The following SNX18 variants were observed in gnomAD, a reference collection of about 807,000 sequenced individuals.
The protein encoded by SNX18 is sorting nexin 18.
In SNX18, 35 loss-of-function variants were observed where a neutral mutation model predicts 48.7. The observed-to-expected ratio is 0.72, with a 90% CI of 0.55 to 0.95. The LOEUF (loss-of-function observed/expected upper bound fraction) is 0.95. SNX18 is among the 40% of genes least tolerant of loss of function. SNX18 has a pLI of 0.00. For missense variants in SNX18, 824 were observed against 871.0 expected (o/e 0.95, Z 0.68); for synonymous variants, 492 against 384.7 (o/e 1.28, Z -3.26).
chr5:54,589,171 C>G, the SNX18 span, among the ~76,000 whole-genome samples: 1 of 152,202 alleles, frequency 6.6e-6, no homozygotes, highest in East Asian at 1.9e-4. Flanking sequence ...CGGTCACCTT[C>G]TGTTCCCCCA....
downstream of SNX18, among the ~76,000 whole-genome samples, chr5:54,548,314 T>G (rs986644138): frequency 2.6e-5 from 4 of 152,222 alleles, no homozygotes; most frequent in Non-Finnish European, 4.4e-5. Flanking sequence ...TTGCTGTGTG[T>G]CCCATCAGCC....
At chr5:54,548,256 T>A (rs1762605049), downstream of SNX18, among the ~76,000 whole-genome samples, 1 of 152,152 alleles carries the variant, frequency 6.6e-6, no homozygotes, top group Non-Finnish European at 1.5e-5. Context: ...ATTGTCCATG[T>A]GAAGCCACCT....
intron 1 of SNX18, among the ~76,000 whole-genome samples, chr5:54,535,712 G>C (rs1342230539): frequency 6.6e-6 from 1 of 152,158 alleles, no homozygotes; most frequent in Non-Finnish European, 1.5e-5. Flanking sequence ...CTTTGAACAA[G>C]TAGCTCACCC....
chr5:54,627,792 G>A, the SNX18 span, among the ~76,000 whole-genome samples: 1 of 152,124 alleles, frequency 6.6e-6, no homozygotes, highest in Non-Finnish European at 1.5e-5. Flanking sequence ...GCTCCCTAGG[G>A]GACTACATCC....
the SNX18 span, among the ~76,000 whole-genome samples, chr5:54,586,736 G>A: frequency 2.0e-5 from 3 of 152,142 alleles, no homozygotes; most frequent in Admixed American, 1.3e-4. Flanking sequence ...ATTTCAACAT[G>A]AGTTTTAGAG....
At chr5:54,554,616 G>A in the SNX18 span, among the ~76,000 whole-genome samples, 2 of 152,162 alleles carry the variant, frequency 1.3e-5, no homozygotes, top group Non-Finnish European at 2.9e-5. Context: ...AATTAATGTA[G>A]TTTTAGTCCA....
chr5:54,549,953 A>T (rs552979555), downstream of SNX18, among the ~76,000 whole-genome samples: 177 of 152,322 alleles, frequency 1.2e-3, no homozygotes, highest in Middle Eastern at 3.4e-3. Flanking sequence ...CAGCAGTTTT[A>T]AAAGAATGCA....
chr5:54,547,427 T>C (rs1235661040), downstream of SNX18, among the ~76,000 whole-genome samples: 2 of 152,230 alleles, frequency 1.3e-5, no homozygotes, highest in Non-Finnish European at 2.9e-5. Flanking sequence ...CCTATTATTT[T>C]TAAACTAGAT....
chr5:54,608,381 T>C, the SNX18 span, among the ~76,000 whole-genome samples: 9 of 152,290 alleles, frequency 5.9e-5, no homozygotes, highest in South Asian at 1.9e-3. Flanking sequence ...TATTTTTTAT[T>C]TTATTGTATT....
chr5:54,638,089 A>T, the SNX18 span, among the ~76,000 whole-genome samples: 1 of 152,354 alleles, frequency 6.6e-6, no homozygotes. Context: ...GCGGGCTCCC[A>T]TCATTCCTTT....
intron 1 of SNX18, among the ~76,000 whole-genome samples, chr5:54,532,309 TTTTTTTTTTC>T (rs1191675819): frequency 3.2e-5 from 3 of 93,646 alleles, no homozygotes; most frequent in African/African-American, 9.8e-5. Flanking sequence ...TATTGTTGCT[TTTTTTTTTTC>T]TTTTTTTTTT....
chr5:54,564,987 C>G, the SNX18 span, among the ~76,000 whole-genome samples: 1 of 152,176 alleles, frequency 6.6e-6, no homozygotes, highest in South Asian at 2.1e-4. Context: ...GCTCATGTCC[C>G]TTGGCTCATG....
chr5:54,585,859 G>A, the SNX18 span, among the ~76,000 whole-genome samples: 118 of 152,172 alleles, frequency 7.8e-4, no homozygotes, highest in African/African-American at 2.7e-3. Flanking sequence ...AAAAAAAATA[G>A]CTGTACATGG....
At chr5:54,644,786 C>T in the SNX18 span, 2 of 152,244 alleles carry the variant, frequency 1.3e-5, no homozygotes, top group Non-Finnish European at 2.9e-5. Context: ...GTAAACAGAA[C>T]CTAGGATAGT....
chr5:54,533,499 G>C (rs994418203), intron 1 of SNX18, among the ~76,000 whole-genome samples: 13 of 152,172 alleles, frequency 8.5e-5, no homozygotes. Context: ...CCGATCTATG[G>C]GGCTTTGCGA....
the SNX18 span, among the ~76,000 whole-genome samples, chr5:54,625,647 A>G: frequency 6.6e-6 from 1 of 152,202 alleles, no homozygotes; most frequent in African/African-American, 2.4e-5. Context: ...AGTCCAGCCC[A>G]TACTCAGAAG....
At chr5:54,546,605 TA>T (rs1318507553), downstream of SNX18, 1 of 152,244 alleles carries the variant, frequency 6.6e-6, no homozygotes, top group Non-Finnish European at 1.5e-5. Context: ...GGAATATAAT[TA>T]TTTTTTCTCC....
downstream of SNX18, among the ~76,000 whole-genome samples, chr5:54,550,964 G>A (rs1027023103): frequency 2.6e-5 from 4 of 151,694 alleles, no homozygotes; most frequent in Admixed American, 2.6e-4. Flanking sequence ...ATGGGAATGG[G>A]GGGCAGGAGA....
rs1427472378 is a variant in SNX18 at position 54,518,849 on chromosome 5, G to A, written c.897G>A (p.Lys299=). ...GCATGAAGAGCTACATCTCCTACAA[G>A]CTGGTGCCCACGCACACGCAGGTGC... ...FKGMKSYISY[K]LVPTHTQVPV... is the part of the protein sequence containing the mutation. The change falls in exon 1 of 2, where the codon AAG becomes AAA. Residue 299 remains lysine, a synonymous_variant. Coordinates refer to ENST00000381410, the MANE Select transcript of SNX18 (RefSeq NM_001102575.2). 4 of 1,612,468 alleles carry A rather than the reference G, an allele frequency of 2.5e-6. No homozygotes were observed. Among genetic ancestry groups the A allele is most frequent in the Non-Finnish European group, 2.5e-6 (3 of 1,179,060 alleles).
Sources: allele counts gnomAD v4.1 joint callset (sites outside exome capture counted in the v4.1 genomes callset), GRCh38; gene constraint gnomAD v4.1.1; transcripts MANE v1.5; gene names NCBI Gene and HGNC (gene_info 2026-07-23, HGNC 2026-07-21).